MAGI2: variants seen among roughly 807,000 people sequenced by gnomAD.
MAGI2 encodes the protein membrane-associated guanylate kinase, WW and PDZ domain-containing protein 2.
MAGI2 carries 35 observed loss-of-function variants against 133.3 expected under a neutral mutation model. That is an observed-to-expected ratio of 0.26 (90% CI 0.20 to 0.35). The LOEUF (loss-of-function observed/expected upper bound fraction) is 0.35. Among genes scored for constraint, MAGI2 ranks in the 10% least tolerant of loss-of-function variants. The pLI, the probability that MAGI2 is intolerant of heterozygous loss-of-function variation, is 1.00. For synonymous variants in MAGI2, 729 were observed against 710.6 expected, an observed-to-expected ratio of 1.03 and a Z score of -0.41; for missense variants, 1,636 against 1,863.4, an observed-to-expected ratio of 0.88 and a Z score of 2.25.
intron 1 of MAGI2, among the ~76,000 whole-genome samples, chr7:79,225,751 G>A (rs928669244): frequency 2.0e-4 from 30 of 152,090 alleles, no homozygotes; most frequent in African/African-American, 7.2e-4. Context: ...ATTCTCATTG[G>A]TCAATGAGAC....
intron 9 of MAGI2, among the ~76,000 whole-genome samples, chr7:78,273,607 C>T (rs534692262): frequency 6.6e-6 from 1 of 152,242 alleles, no homozygotes; most frequent in South Asian, 2.1e-4. Context: ...CACATAGTTC[C>T]ATATTTCTTG....
intron 2 of MAGI2, among the ~76,000 whole-genome samples, chr7:78,711,069 T>C (rs1819138054): frequency 1.3e-5 from 2 of 152,180 alleles, no homozygotes; most frequent in South Asian, 2.1e-4. Context: ...GTAAGGACTT[T>C]GCAATATTCA....
intron 15 of MAGI2, among the ~76,000 whole-genome samples, chr7:78,167,298 A>C (rs1216266098): frequency 6.6e-6 from 1 of 152,224 alleles, no homozygotes; most frequent in African/African-American, 2.4e-5. Flanking sequence ...ATCATATTAT[A>C]AATACAAAGG....
At chr7:78,466,706 G>C (rs570476014) in intron 6 of MAGI2, among the ~76,000 whole-genome samples, 1 of 152,146 alleles carries the variant, frequency 6.6e-6, no homozygotes, top group Non-Finnish European at 1.5e-5. Context: ...GGCATACTAC[G>C]TGGTGGGGTG....
chr7:78,394,108 A>G (rs1036464233), intron 6 of MAGI2, among the ~76,000 whole-genome samples: 20 of 152,140 alleles, frequency 1.3e-4, no homozygotes, highest in Non-Finnish European at 4.4e-5. Flanking sequence ...CTGATGTCTG[A>G]GGGCAGGAGA....
intron 21 of MAGI2, among the ~76,000 whole-genome samples, chr7:78,039,082 T>C (rs1458927008): frequency 1.3e-5 from 2 of 152,240 alleles, no homozygotes; most frequent in African/African-American, 4.8e-5. Context: ...AAAGAACATC[T>C]TAGAGCCTGT....
At chr7:78,529,337 CTT>C (rs1254682289) in intron 3 of MAGI2, among the ~76,000 whole-genome samples, 1 of 152,188 alleles carries the variant, frequency 6.6e-6, no homozygotes, top group Non-Finnish European at 1.5e-5. Flanking sequence ...ATTGGACACT[CTT>C]TCCTTCAGTG....
chr7:78,845,503 T>C (rs1487264814), intron 2 of MAGI2, among the ~76,000 whole-genome samples: 1 of 151,934 alleles, frequency 6.6e-6, no homozygotes, highest in Non-Finnish European at 1.5e-5. Flanking sequence ...TCTAAATCAT[T>C]GTAATGTATT....
At chr7:78,746,511 T>A (rs926115641) in intron 2 of MAGI2, among the ~76,000 whole-genome samples, 1 of 152,168 alleles carries the variant, frequency 6.6e-6, no homozygotes, top group Non-Finnish European at 1.5e-5. Flanking sequence ...CAGTCTAAAA[T>A]CTGATGCCAA....
intron 21 of MAGI2, among the ~76,000 whole-genome samples, chr7:78,055,501 T>C (rs935412348): frequency 7.9e-5 from 12 of 152,066 alleles, no homozygotes; most frequent in Non-Finnish European, 1.5e-4. Context: ...ATATTCTTCC[T>C]CCCTACTGAA....
chr7:78,894,373 G>A (rs1271932133), intron 2 of MAGI2, among the ~76,000 whole-genome samples: 1 of 152,120 alleles, frequency 6.6e-6, no homozygotes, highest in Non-Finnish European at 1.5e-5. Flanking sequence ...GGGCGACAAA[G>A]CCAGACTCTG....
At chr7:78,991,958 G>T (rs186044918) in intron 2 of MAGI2, among the ~76,000 whole-genome samples, 122 of 152,018 alleles carry the variant, frequency 8.0e-4, no homozygotes, top group African/African-American at 2.7e-3. Context: ...TTAATCATAA[G>T]AAATCTGGAG....
chr7:78,890,679 T>G (rs1053900394), intron 2 of MAGI2, among the ~76,000 whole-genome samples: 1 of 152,008 alleles, frequency 6.6e-6, no homozygotes, highest in African/African-American at 2.4e-5. Context: ...TTGAAACCAA[T>G]GAGAACAAAG....
At chr7:79,301,269 C>T (rs1390702605) in intron 1 of MAGI2, among the ~76,000 whole-genome samples, 1 of 152,214 alleles carries the variant, frequency 6.6e-6, no homozygotes, top group East Asian at 1.9e-4. Flanking sequence ...CCTGGAAAAG[C>T]CACAGACACT....
intron 6 of MAGI2, among the ~76,000 whole-genome samples, chr7:78,391,915 G>T (rs1261196937): frequency 2.6e-5 from 4 of 152,196 alleles, no homozygotes; most frequent in African/African-American, 9.7e-5. Flanking sequence ...CCTGAAGTTA[G>T]TGATTGTGGG....
At chr7:78,375,504 C>T (rs1484240054) in intron 6 of MAGI2, among the ~76,000 whole-genome samples, 1 of 151,970 alleles carries the variant, frequency 6.6e-6, no homozygotes, top group Non-Finnish European at 1.5e-5. Flanking sequence ...ACTAAGATAT[C>T]AGAGACAGAA....
At chr7:78,194,775 A>G (rs1828566806) in intron 12 of MAGI2, 99 bp downstream of exon 12, 10 of 1,027,008 alleles carry the variant, frequency 9.7e-6, no homozygotes, top group South Asian at 2.5e-5. Context: ...TTTGAAACTC[A>G]GAATATAAAA....
At chr7:78,443,413 C>T (rs571907354) in intron 6 of MAGI2, among the ~76,000 whole-genome samples, 49 of 152,244 alleles carry the variant, frequency 3.2e-4, no homozygotes, top group African/African-American at 1.2e-3. Context: ...ATCCTTTCTT[C>T]TCATCTACAA....
chr7:79,156,783 A>C (rs1823819966), intron 1 of MAGI2, among the ~76,000 whole-genome samples: 1 of 152,154 alleles, frequency 6.6e-6, no homozygotes, highest in Non-Finnish European at 1.5e-5. Flanking sequence ...TATTTGGCTC[A>C]GAATAAATAT....
Sources: gnomAD v4.1 joint callset for allele counts (sites outside exome capture counted in the v4.1 genomes callset) on GRCh38, gnomAD v4.1.1 for gene constraint, MANE v1.5 for transcripts, NCBI Gene and HGNC (gene_info 2026-07-23, HGNC 2026-07-21) for gene names.